The following COL25A1 variants were observed in gnomAD, a reference collection of about 807,000 sequenced individuals.
The protein encoded by COL25A1 is collagen type XXV alpha 1 chain.
Under a neutral mutation model 128.4 loss-of-function variants are expected in COL25A1, and 103 were observed. The observed-to-expected ratio is 0.80, with a 90% CI of 0.68 to 0.94. The LOEUF (loss-of-function observed/expected upper bound fraction) is 0.94, where lower values mean the gene tolerates loss of function less well. Among genes scored for constraint, COL25A1 ranks in the 40% least tolerant of loss-of-function variants. The pLI is 0.00. For missense variants in COL25A1, 745 were observed against 840.0 expected, an observed-to-expected ratio of 0.89 and a Z score of 1.40; for synonymous variants, 279 against 277.2, an observed-to-expected ratio of 1.01 and a Z score of -0.06.
At chr4:109,292,076 T>C in intron 3 of COL25A1, among the ~76,000 whole-genome samples, 1 of 152,062 alleles carries the variant, frequency 6.6e-6, no homozygotes, top group East Asian at 1.9e-4. Flanking sequence ...TTGCATTAAT[T>C]TTCTAATAGT....
At chr4:109,294,986 T>C (rs2126288401) in intron 3 of COL25A1, among the ~76,000 whole-genome samples, 1 of 152,168 alleles carries the variant, frequency 6.6e-6, no homozygotes, top group Middle Eastern at 3.4e-3. Flanking sequence ...CATCATGTAG[T>C]TGATTTTGCA....
intron 3 of COL25A1, among the ~76,000 whole-genome samples, chr4:109,066,680 G>A (rs115329747): frequency 0.019 from 2,945 of 152,030 alleles, 82 homozygotes; most frequent in African/African-American, 0.066. Flanking sequence ...TTTGAGACAG[G>A]ATCTTGCTCT....
chr4:109,251,266 C>T (rs972834022), intron 3 of COL25A1, among the ~76,000 whole-genome samples: 1 of 152,168 alleles, frequency 6.6e-6, no homozygotes, highest in South Asian at 2.1e-4. Flanking sequence ...TTGATAACTA[C>T]CTTCTTCCAC....
chr4:109,039,018 C>T (rs1014360604), intron 5 of COL25A1, among the ~76,000 whole-genome samples: 7 of 152,138 alleles, frequency 4.6e-5, no homozygotes, highest in Non-Finnish European at 8.8e-5. Context: ...ACCTCCACTT[C>T]TATCTCCTCT....
chr4:109,122,823 C>G (rs1264030893), intron 3 of COL25A1, among the ~76,000 whole-genome samples: 3 of 151,878 alleles, frequency 2.0e-5, no homozygotes, highest in Admixed American at 1.3e-4. Flanking sequence ...AATATGGAAC[C>G]ATGAACATAG....
At chr4:109,125,388 T>G (rs1294603749) in intron 3 of COL25A1, among the ~76,000 whole-genome samples, 1 of 152,154 alleles carries the variant, frequency 6.6e-6, no homozygotes, top group Non-Finnish European at 1.5e-5. Context: ...AGGAACTGTG[T>G]GCTAAATACA....
chr4:108,966,869 GAAAAGAAA>G (rs1343433307), intron 8 of COL25A1, among the ~76,000 whole-genome samples: 3 of 106,828 alleles, frequency 2.8e-5, no homozygotes, highest in Non-Finnish European at 6.0e-5. Context: ...AGAAAGAAAA[GAAAAGAAA>G]AAAAGAAAAG....
rs758629387 is a variant in COL25A1, at chr4:108,940,563, G to A, written c.648C>T (p.Gly216=). 4.2e-5 allele frequency: 68 copies of A among 1,613,800 alleles called. 1 individual carries two copies. The East Asian group carries it at 1.4e-3, about 33-fold the overall frequency. ...CGGGTACTCCTGGCATTCCACGGGG[G>A]CCATCTTTCCCTGTGTCCCCAGGTG... The part of the protein sequence containing the change: ...RGPPGDTGKD[G]PRGMPGVPGE... The change falls in exon 10 of 38, where the codon GGC becomes GGT. Residue 216 remains glycine (G), a synonymous_variant. Transcript: ENST00000399132.
intron 8 of COL25A1, among the ~76,000 whole-genome samples, chr4:108,954,251 G>T (rs1749796621): frequency 6.6e-6 from 1 of 152,010 alleles, no homozygotes. Flanking sequence ...ACTTTAGAAT[G>T]ATATAAATAT....
At chr4:109,217,696 G>A (rs1372941220) in intron 3 of COL25A1, among the ~76,000 whole-genome samples, 1 of 152,108 alleles carries the variant, frequency 6.6e-6, no homozygotes, top group Non-Finnish European at 1.5e-5. Context: ...TGTGGATCAC[G>A]TTTGAGTCCC....
chr4:109,209,293 T>C (rs1339204025), intron 3 of COL25A1, among the ~76,000 whole-genome samples: 2 of 150,422 alleles, frequency 1.3e-5, no homozygotes, highest in Non-Finnish European at 2.9e-5. Context: ...ATAGTAAAGA[T>C]TTCATTTTTA....
chr4:108,891,723 T>A lies in COL25A1; in HGVS notation c.907-1990A>T, dbSNP rs1000299891. ...TGCCGTGTTTTAGGTTTTTTTTTTT[T>A]AATACAAAAAAATTGTTGGCTTATT... On this transcript the variant is annotated intron_variant, in intron 16 of 37. Coordinates refer to ENST00000399132, the MANE Select transcript of COL25A1 (RefSeq NM_198721.4). Among the ~76,000 whole-genome samples, 72 of 151,858 alleles carry A rather than the reference T, an allele frequency of 4.7e-4. 1 individual carries two copies. The highest frequency in any genetic ancestry group is 3.2e-4 in the Non-Finnish European group (22 of 67,918).
intron 3 of COL25A1, among the ~76,000 whole-genome samples, chr4:109,052,758 T>C (rs1761111943): frequency 6.6e-6 from 1 of 152,108 alleles, no homozygotes; most frequent in African/African-American, 2.4e-5. Context: ...ATGAAATGGA[T>C]GAGATGAATT....
chr4:109,146,558 A>G lies in COL25A1; in HGVS notation c.368-96379T>C, dbSNP rs1043798243. ...AAGCCAAACTAAATAATAAGGAGTA[A>G]TTTGCCAATTAGAACTTCCTGCTCT... On this transcript the variant is annotated intron_variant, in intron 3 of 37. Transcript: ENST00000399132. Among the ~76,000 whole-genome samples the G allele has an allele frequency of 1.3e-5, 2 of 152,222 alleles. 1 individual carries two copies. Among genetic ancestry groups the G allele is most frequent in the Admixed American group, 1.3e-4 (2 of 15,278 alleles).
intron 3 of COL25A1, among the ~76,000 whole-genome samples, chr4:109,165,451 C>G (rs1772982383): frequency 6.6e-6 from 1 of 152,174 alleles, no homozygotes; most frequent in Admixed American, 6.5e-5. Flanking sequence ...CATGGTGGCT[C>G]ACGTCTGTAA....
intron 3 of COL25A1, among the ~76,000 whole-genome samples, chr4:109,190,644 T>C (rs911399032): frequency 6.6e-6 from 1 of 152,156 alleles, no homozygotes; most frequent in Non-Finnish European, 1.5e-5. Flanking sequence ...GTAATGAAGT[T>C]TTTACAGGCC....
At chr4:108,909,179 CGCCCAG>C (rs1440360593) in intron 13 of COL25A1, among the ~76,000 whole-genome samples, 1 of 152,180 alleles carries the variant, frequency 6.6e-6, no homozygotes, top group Non-Finnish European at 1.5e-5. Flanking sequence ...GTTCAACCTA[CGCCCAG>C]GAATGGACAA....
intron 3 of COL25A1, among the ~76,000 whole-genome samples, chr4:109,081,747 A>G (rs930041912): frequency 6.6e-6 from 1 of 151,736 alleles, no homozygotes; most frequent in African/African-American, 2.4e-5. Flanking sequence ...TCTGTCGGCC[A>G]GGCTGGAATG....
intron 3 of COL25A1, among the ~76,000 whole-genome samples, chr4:109,208,723 G>A: frequency 6.6e-6 from 1 of 152,110 alleles, no homozygotes; most frequent in East Asian, 1.9e-4. Context: ...ACATATACAT[G>A]AGTCCACATA....
Sources: gnomAD v4.1 joint callset for allele counts (sites outside exome capture counted in the v4.1 genomes callset) on GRCh38, gnomAD v4.1.1 for gene constraint, MANE v1.5 for transcripts, NCBI Gene and HGNC (gene_info 2026-07-23, HGNC 2026-07-21) for gene names.